The following AMMECR1 variants were observed in gnomAD, a reference collection of about 807,000 sequenced individuals.
The protein encoded by AMMECR1 is nuclear protein AMMECR1.
In AMMECR1, 3 loss-of-function variants were observed where a neutral mutation model predicts 22.5. The ratio of observed to expected loss-of-function variants is 0.13; its 90% CI spans 0.06 to 0.35. The LOEUF (loss-of-function observed/expected upper bound fraction) is 0.35, where lower values mean the gene tolerates loss of function less well. AMMECR1 is among the 10% of genes least tolerant of loss of function. The pLI is 1.00. For synonymous variants in AMMECR1, 130 were observed against 116.7 expected (o/e 1.11, Z -0.74); for missense variants, 235 against 278.7 (o/e 0.84, Z 1.12).
At chrX:110,344,705 A>C (rs1393247127) in intron 2 of AMMECR1, among the ~76,000 whole-genome samples, 4 of 111,860 alleles carry the variant, frequency 3.6e-5, no homozygotes, top group African/African-American at 1.3e-4. Context: ...GACACTTCTC[A>C]AAAGAAGACA....
At chrX:110,242,270 T>C (rs1286206512) in intron 2 of AMMECR1, among the ~76,000 whole-genome samples, 1 of 111,924 alleles carries the variant, frequency 8.9e-6, no homozygotes, top group Non-Finnish European at 1.9e-5. Flanking sequence ...CTTGTTTCTA[T>C]AGAAACCTTC....
chrX:110,205,328 T>A (rs1381125422), intron 3 of AMMECR1, among the ~76,000 whole-genome samples: 1 of 111,345 alleles, frequency 9.0e-6, no homozygotes, highest in Non-Finnish European at 1.9e-5. Context: ...CAAAACTAAT[T>A]CCATATTGTT....
chrX:110,234,124 G>A (rs375195158), intron 2 of AMMECR1, among the ~76,000 whole-genome samples: 1 of 112,184 alleles, frequency 8.9e-6, no homozygotes, highest in Non-Finnish European at 1.9e-5. Context: ...AGCAACTTCA[G>A]CAAAGTCTCA....
At chrX:110,415,477 A>G (rs781135685) in intron 2 of AMMECR1, among the ~76,000 whole-genome samples, 1 of 111,476 alleles carries the variant, frequency 9.0e-6, no homozygotes, top group South Asian at 3.8e-4. Context: ...TGTTTTGGCA[A>G]TGTAGCAGAC....
At chrX:110,352,307 A>G (rs1428671898) in intron 2 of AMMECR1, among the ~76,000 whole-genome samples, 1 of 112,441 alleles carries the variant, frequency 8.9e-6, no homozygotes, top group African/African-American at 3.2e-5. Flanking sequence ...TGTGGAAACA[A>G]CTCCAATATC....
chrX:110,232,059 TA>T (rs1240675453), intron 2 of AMMECR1, among the ~76,000 whole-genome samples: 1 of 110,495 alleles, frequency 9.1e-6, no homozygotes, highest in African/African-American at 3.3e-5. Context: ...TCCCACACAA[TA>T]ATAATGGGAG....
At chrX:110,239,162 C>G (rs962742331) in intron 2 of AMMECR1, among the ~76,000 whole-genome samples, 1 of 111,412 alleles carries the variant, frequency 9.0e-6, no homozygotes, top group Non-Finnish European at 1.9e-5. Context: ...GATCACAACT[C>G]CTCGCCAACA....
intron 1 of AMMECR1, among the ~76,000 whole-genome samples, chrX:110,269,708 G>C (rs1452672878): frequency 9.0e-6 from 1 of 111,692 alleles, no homozygotes; most frequent in African/African-American, 3.3e-5. Flanking sequence ...GCAGCTTGCA[G>C]AAGTACAGAA....
chrX:110,424,676 C>G (rs2068741578), intron 2 of AMMECR1, among the ~76,000 whole-genome samples: 1 of 111,765 alleles, frequency 8.9e-6, no homozygotes, highest in African/African-American at 3.3e-5. Flanking sequence ...TTAAATCTAC[C>G]TCAGGCAAAA....
At chrX:110,241,443 ATACTATAAACACCTC>A (rs2148186853) in intron 2 of AMMECR1, among the ~76,000 whole-genome samples, 1 of 112,222 alleles carries the variant, frequency 8.9e-6, no homozygotes, top group Non-Finnish European at 1.9e-5. Context: ...ACATCAGAAA[ATACTATAAACACCTC>A]TACGCACGTA....
chrX:110,436,410 A>G lies in AMMECR1; in HGVS notation c.-294+3480T>C, dbSNP rs1411736557. ...GGGCTGAAGCACAAACCCACTCTGT[A>G]TCTTTATAGAGATAACTGCTGGAAT... On this transcript the variant is annotated intron_variant, in intron 1 of 7. Transcript: ENST00000372057. 2.7e-5 allele frequency among the ~76,000 whole-genome samples: 3 copies of G among 112,065 alleles called. No homozygotes were observed. The Admixed American group carries it at 2.8e-4, about 11-fold the overall frequency.
At chrX:110,306,772 A>G (rs931155378) in intron 1 of AMMECR1, 3 of 112,099 alleles carry the variant, frequency 2.7e-5, no homozygotes, top group African/African-American at 9.7e-5. Context: ...TAGTAAGTTT[A>G]TAAGGTTAAT....
intron 2 of AMMECR1, among the ~76,000 whole-genome samples, chrX:110,263,644 G>A (rs1418252156): frequency 1.8e-5 from 2 of 111,697 alleles, no homozygotes; most frequent in African/African-American, 6.5e-5. Context: ...TACCTATGGA[G>A]GTTGAGAAAC....
At chrX:110,435,106 G>A (rs1314385726) in intron 1 of AMMECR1, among the ~76,000 whole-genome samples, 1 of 83,461 alleles carries the variant, frequency 1.2e-5, no homozygotes, top group East Asian at 4.2e-4. Context: ...AAGGAGGGAG[G>A]GGGGAGGAGG....
At chrX:110,431,385 C>T (rs767630945) in intron 1 of AMMECR1, among the ~76,000 whole-genome samples, 4 of 106,647 alleles carry the variant, frequency 3.8e-5, no homozygotes, top group Non-Finnish European at 3.8e-5. Flanking sequence ...GGGAGGAATA[C>T]CAGGATTCTG....
At chrX:110,292,800 T>C (rs1279194160) in intron 1 of AMMECR1, among the ~76,000 whole-genome samples, 1 of 111,967 alleles carries the variant, frequency 8.9e-6, no homozygotes, top group Non-Finnish European at 1.9e-5. Flanking sequence ...TCCAAACCCT[T>C]AGAATGTACA....
At chrX:110,397,596 G>T (rs1473284201) in intron 2 of AMMECR1, among the ~76,000 whole-genome samples, 1 of 111,073 alleles carries the variant, frequency 9.0e-6, no homozygotes, top group African/African-American at 3.3e-5. Context: ...GCCACAAAGA[G>T]ACACAGTCAC....
At chrX:110,224,912 T>C (rs1468770300) in intron 2 of AMMECR1, 1 of 325,127 alleles carries the variant, frequency 3.1e-6, no homozygotes, top group African/African-American at 2.8e-5. Context: ...CTTTCCTCAT[T>C]TAAAATAGCA....
intron 2 of AMMECR1, among the ~76,000 whole-genome samples, chrX:110,413,335 T>C (rs773963360): frequency 1.5e-4 from 17 of 111,563 alleles, no homozygotes; most frequent in Non-Finnish European, 2.3e-4. Context: ...TAGTGGACAC[T>C]GTCCACACTC....
Sources: allele counts gnomAD v4.1 joint callset (sites outside exome capture counted in the v4.1 genomes callset), GRCh38; gene constraint gnomAD v4.1.1; transcripts MANE v1.5; gene names NCBI Gene and HGNC (gene_info 2026-07-23, HGNC 2026-07-21).